Variants in BICRA observed in about 807,000 individuals in gnomAD.
BICRA encodes the protein BRD4-interacting chromatin-remodeling complex-associated protein.
A neutral mutation model predicts 96.9 loss-of-function variants in BICRA; 31 were observed. The ratio of observed to expected loss-of-function variants is 0.32; its 90% CI spans 0.24 to 0.43. BICRA has a LOEUF of 0.43. Ranked by LOEUF, BICRA falls within the 20% of genes least tolerant of loss-of-function variation. The pLI, the probability that BICRA is intolerant of heterozygous loss-of-function variation, is 1.00. For missense variants in BICRA, 2,283 were observed against 2,190.3 expected, an observed-to-expected ratio of 1.04 and a Z score of -0.84; for synonymous variants, 1,350 against 1,071.8, an observed-to-expected ratio of 1.26 and a Z score of -5.07.
intron 1 of BICRA, among the ~76,000 whole-genome samples, chr19:47,614,938 G>A (rs1971961434): frequency 6.6e-6 from 1 of 152,172 alleles, no homozygotes; most frequent in Non-Finnish European, 1.5e-5. Flanking sequence ...CCAGTGATTT[G>A]TCTTTTGGTA....
chr19:47,636,162 C>T (rs367659058), intron 1 of BICRA, among the ~76,000 whole-genome samples: 27 of 152,264 alleles, frequency 1.8e-4, no homozygotes, highest in African/African-American at 6.0e-4. Context: ...AAATCTGAAA[C>T]CTGGAGCACT....
At chr19:47,689,559 A>T (rs1973209836) in intron 7 of BICRA, among the ~76,000 whole-genome samples, 1 of 151,986 alleles carries the variant, frequency 6.6e-6, no homozygotes, top group East Asian at 1.9e-4. Flanking sequence ...TTACAGGTGC[A>T]CACCATCCCG....
At chr19:47,684,616 G>A (rs1973117740) in intron 7 of BICRA, among the ~76,000 whole-genome samples, 1 of 152,106 alleles carries the variant, frequency 6.6e-6, no homozygotes. Flanking sequence ...CACCGCGCCC[G>A]GCCTAGCACT....
chr19:47,673,981 A>G (rs1427096565), intron 4 of BICRA, among the ~76,000 whole-genome samples: 1 of 152,212 alleles, frequency 6.6e-6, no homozygotes, highest in African/African-American at 2.4e-5. Context: ...TCACTAATAA[A>G]GGTAATGGTG....
chr19:47,609,209 T>A (rs1472815789), intron 1 of BICRA, 41 bp downstream of exon 1: 1 of 149,380 alleles, frequency 6.7e-6, no homozygotes, highest in Non-Finnish European at 1.5e-5. Flanking sequence ...TTAAATCTCT[T>A]AACTCTCTCT....
intron 1 of BICRA, among the ~76,000 whole-genome samples, chr19:47,621,716 G>A (rs1568547392): frequency 6.6e-6 from 1 of 152,112 alleles, no homozygotes; most frequent in East Asian, 1.9e-4. Context: ...TTGATCACTG[G>A]CGTCCGCCTC....
intron 1 of BICRA, among the ~76,000 whole-genome samples, chr19:47,660,936 G>A (rs577862700): frequency 1.3e-5 from 2 of 152,312 alleles, no homozygotes; most frequent in African/African-American, 4.8e-5. Context: ...TTTGCCGGGC[G>A]TGGTGGCTCA....
intron 1 of BICRA, among the ~76,000 whole-genome samples, chr19:47,610,104 C>A (rs953066688): frequency 5.5e-4 from 83 of 152,228 alleles, no homozygotes; most frequent in Non-Finnish European, 1.1e-3. Flanking sequence ...CAAAGGCAGC[C>A]CTTTCCCCGG....
chr19:47,641,824 C>A (rs949437144), intron 1 of BICRA, among the ~76,000 whole-genome samples: 1 of 151,976 alleles, frequency 6.6e-6, no homozygotes, highest in African/African-American at 2.4e-5. Flanking sequence ...ATTAAGTATT[C>A]CAATCCATGA....
rs531674251 is a variant in BICRA, at chr19:47,695,621, T to G, written c.3186+147T>G. On this transcript the variant is annotated intron_variant, in intron 10 of 14. Coordinates refer to ENST00000594866, the MANE Select transcript of BICRA (RefSeq NM_001394372.1). ...GCAGCTGAGACACCACGAACAGCCG[T>G]GCAGGGACAGGAAGGGCAGAATGAC... 6.6e-6 allele frequency: 4 copies of G among 608,644 alleles called. No individual in the cohort carries two copies. The African/African-American group carries it at 7.4e-5, about 11-fold the overall frequency. 37.7% of individuals were successfully genotyped at this position (608,644 alleles called of 1,614,324 possible).
At chr19:47,637,708 C>T (rs938820067) in intron 1 of BICRA, among the ~76,000 whole-genome samples, 1 of 152,190 alleles carries the variant, frequency 6.6e-6, no homozygotes, top group Non-Finnish European at 1.5e-5. Context: ...ATCCCCTGCT[C>T]CTCCCAGCCC....
chr19:47,657,019 G>A (rs959405030), intron 1 of BICRA, among the ~76,000 whole-genome samples: 4 of 150,832 alleles, frequency 2.7e-5, no homozygotes, highest in Non-Finnish European at 3.0e-5. Context: ...CCACCACCAC[G>A]CCCAGCTAAT....
At chr19:47,622,322 C>T (rs1972076380) in intron 1 of BICRA, among the ~76,000 whole-genome samples, 1 of 151,776 alleles carries the variant, frequency 6.6e-6, no homozygotes. Flanking sequence ...GTCTCGAACT[C>T]CTGACCTCAG....
chr19:47,701,330 G>C lies in BICRA; in HGVS notation c.3598G>C (p.Glu1200Gln), dbSNP rs1034453141. The C allele has an allele frequency of 3.1e-6, 5 of 1,609,176 alleles. No individual in the cohort carries two copies. Among genetic ancestry groups the C allele is most frequent in the Non-Finnish European group, 4.2e-6 (5 of 1,178,368 alleles). ...TTTTCTTTGCCCCGATTCTGCAGAC[G>C]AGTACGTGTCTTCCTCCCGCTCGCT... ...DKQLAKEKPD[E>Q]YVSSSRSLGL... The change falls in exon 15 of 15, where the codon GAG becomes CAG. Residue 1200 changes from glutamate to glutamine, a missense_variant and splice_region_variant. Glu to Gln is a conservative substitution (Grantham distance 29). Coordinates refer to ENST00000594866, the MANE Select transcript of BICRA (RefSeq NM_001394372.1). This position sits in a 1 kb window ranked among gnomAD's most constrained non-coding sequence, Gnocchi z 5.4.
chr19:47,683,291 A>G (rs1181218777), intron 7 of BICRA, among the ~76,000 whole-genome samples: 2 of 151,486 alleles, frequency 1.3e-5, no homozygotes, highest in Non-Finnish European at 2.9e-5. Flanking sequence ...CCGCAACCTC[A>G]CCAGTATGTT....
intron 1 of BICRA, among the ~76,000 whole-genome samples, chr19:47,634,661 G>A (rs998510173): frequency 4.1e-4 from 63 of 151,896 alleles, no homozygotes; most frequent in African/African-American, 1.3e-3. Flanking sequence ...CTCAGTAAAC[G>A]GCACCATCTC....
At chr19:47,688,532 T>C (rs560815658) in intron 7 of BICRA, among the ~76,000 whole-genome samples, 1 of 152,270 alleles carries the variant, frequency 6.6e-6, no homozygotes, top group South Asian at 2.1e-4. Flanking sequence ...GGCTCATGCC[T>C]GTAATCCCAA....
At chr19:47,647,025 T>G (rs1972469719) in intron 1 of BICRA, among the ~76,000 whole-genome samples, 1 of 152,202 alleles carries the variant, frequency 6.6e-6, no homozygotes, top group Non-Finnish European at 1.5e-5. Flanking sequence ...TTTGGACATT[T>G]CGTGGAAACA....
At chr19:47,652,766 G>C (rs944329499) in intron 1 of BICRA, among the ~76,000 whole-genome samples, 5 of 152,112 alleles carry the variant, frequency 3.3e-5, no homozygotes, top group African/African-American at 9.7e-5. Context: ...AAACTATGCA[G>C]TGGAACACCT....
Sources: allele counts gnomAD v4.1 joint callset (sites outside exome capture counted in the v4.1 genomes callset), GRCh38; gene constraint gnomAD v4.1.1; non-coding constraint Gnocchi (gnomAD v3.1); transcripts MANE v1.5; gene names NCBI Gene and HGNC (gene_info 2026-07-23, HGNC 2026-07-21).